Variants in EFHB observed in about 807,000 individuals in gnomAD.
EFHB encodes the protein EF-hand domain family member B, also known as EF-hand domain-containing family member B.
EFHB carries 91 observed loss-of-function variants against 87.2 expected under a neutral mutation model. The observed-to-expected ratio is 1.04, with a 90% CI of 0.88 to 1.24. EFHB has a LOEUF of 1.24. Among genes scored for constraint, EFHB ranks in the 50% most tolerant of loss-of-function variants. The pLI is 0.00. For missense variants in EFHB, 1,084 were observed against 998.8 expected (o/e 1.09, Z -1.15); for synonymous variants, 325 against 333.6 (o/e 0.97, Z 0.28).
At chr3:19,908,595 A>G (rs1694934965) in intron 5 of EFHB, among the ~76,000 whole-genome samples, 1 of 103,076 alleles carries the variant, frequency 9.7e-6, no homozygotes, top group Admixed American at 9.9e-5. Context: ...AGAGAGAGAG[A>G]GAGAGAAAGA....
chr3:19,942,667 C>T lies in EFHB; in HGVS notation c.-32+4252G>A, dbSNP rs188678006. On this transcript the variant is annotated intron_variant, in intron 1 of 14. Coordinates refer to the EFHB transcript ENST00000344838. ...CTGAACTTGTTTTCCTGCCACTAGA[C>T]GGTCCCATCTGGAGGTGATGGAAGA... Among the ~76,000 whole-genome samples the T allele has an allele frequency of 1.8e-3, 277 of 152,224 alleles. 3 individuals are homozygous for T. The highest frequency in any genetic ancestry group is 6.3e-3 in the African/African-American group (261 of 41,538).
chr3:19,903,748 A>T (rs191022343), intron 6 of EFHB, among the ~76,000 whole-genome samples: 165 of 152,274 alleles, frequency 1.1e-3, no homozygotes, highest in Admixed American at 2.6e-3. Context: ...AGGAATGGAA[A>T]TCATTTTTGA....
chr3:19,902,517 G>A (rs1012592525), intron 6 of EFHB, among the ~76,000 whole-genome samples: 1 of 151,924 alleles, frequency 6.6e-6, no homozygotes. Context: ...ACCACACTCA[G>A]CTAATTTTTG....
chr3:19,913,391 A>G (rs1195070568), intron 5 of EFHB, among the ~76,000 whole-genome samples: 2 of 152,244 alleles, frequency 1.3e-5, no homozygotes, highest in Admixed American at 6.5e-5. Context: ...TAGCATTTCT[A>G]TATACCAACA....
At chr3:19,917,357 A>T (rs55829813) in intron 4 of EFHB, among the ~76,000 whole-genome samples, 27,753 of 152,094 alleles carry the variant, frequency 0.18, 3,277 homozygotes, top group Non-Finnish European at 0.27. Context: ...AATAAGGTAC[A>T]ACTCCAGATT....
intron 1 of EFHB, among the ~76,000 whole-genome samples, chr3:19,924,952 T>C (rs1695566992): frequency 6.6e-6 from 1 of 151,982 alleles, no homozygotes; most frequent in Admixed American, 6.6e-5. Context: ...CTCTCTTAAA[T>C]AGAGTTAGGA....
At chr3:19,918,757 C>G (rs1201785297) in intron 3 of EFHB, among the ~76,000 whole-genome samples, 1 of 151,120 alleles carries the variant, frequency 6.6e-6, no homozygotes, top group Admixed American at 6.6e-5. Context: ...GGCAGATCAC[C>G]TGAGGTCTGG....
intron 1 of EFHB, among the ~76,000 whole-genome samples, chr3:19,927,973 A>G (rs1015886009): frequency 1.3e-5 from 2 of 149,132 alleles, no homozygotes; most frequent in Non-Finnish European, 3.0e-5. Flanking sequence ...TATAGTAAAT[A>G]ATATAGTAGC....
At chr3:19,945,485 G>A (rs777100418) in intron 1 of EFHB, among the ~76,000 whole-genome samples, 1 of 152,156 alleles carries the variant, frequency 6.6e-6, no homozygotes, top group Non-Finnish European at 1.5e-5. Flanking sequence ...AATGGACAAT[G>A]GTTTGTGAGG....
At chr3:19,946,047 G>T (rs1133328) in intron 1 of EFHB, 50,136 of 152,102 alleles carry the variant, frequency 0.33, 8,539 homozygotes, top group Non-Finnish European at 0.39. Context: ...GCCAGAGACT[G>T]AATGTGGTGT....
chr3:19,884,429 G>C lies in EFHB; in HGVS notation c.2120C>G (p.Ala707Gly). Residue 707 changes from alanine to glycine, a missense_variant, in exon 11 of 13, where the codon GCA (alanine) becomes GGA (glycine). By Grantham distance (60) the Ala-to-Gly change is moderately conservative (BLOSUM62 0). Coordinates refer to ENST00000295824, the MANE Select transcript of EFHB (RefSeq NM_144715.4). ...YYKTTSSEINAIVGAIPSTCY... is the reference protein window; with the variant it reads ...YYKTTSSEINGIVGAIPSTCY... Reference sequence around the variant, plus strand: ...AGTAGAAGGAATGGCTCCTACAATTGCATTGATCTCAGAAGAAGTTGTCTT... The same window carrying C: ...AGTAGAAGGAATGGCTCCTACAATTCCATTGATCTCAGAAGAAGTTGTCTT... 1.2e-6 allele frequency: 2 copies of C among 1,613,764 alleles called. No homozygotes were observed. Among genetic ancestry groups the C allele is most frequent in the Non-Finnish European group, 1.7e-6 (2 of 1,179,824 alleles).
chr3:19,886,678 A>AC, intron 10 of EFHB, among the ~76,000 whole-genome samples: 1 of 5,318 alleles, frequency 1.9e-4, no homozygotes, highest in Non-Finnish European at 4.1e-4. Context: ...CACTGTCTCA[A>AC]AAAAAAAAAA....
chr3:19,940,904 C>A, intron 1 of EFHB: 1 of 344,800 alleles, frequency 2.9e-6, no homozygotes, highest in African/African-American at 2.2e-5. Context: ...TAGTGAAGGT[C>A]TGTCTGCTTG....
At chr3:19,896,449 T>C (rs1195344629) in intron 9 of EFHB, 2 of 579,986 alleles carry the variant, frequency 3.4e-6, no homozygotes, top group Non-Finnish European at 6.2e-6. Context: ...TTTTAGGTTT[T>C]GAAGGCCATA....
chr3:19,896,597 C>G, intron 9 of EFHB, 90 bp downstream of exon 9: 2 of 1,531,650 alleles, frequency 1.3e-6, no homozygotes, highest in Non-Finnish European at 1.8e-6. Flanking sequence ...ATTTGGCCCA[C>G]AGGCTATAGT....
chr3:19,881,037 T>G (rs1022125872), intron 12 of EFHB, among the ~76,000 whole-genome samples: 1 of 152,214 alleles, frequency 6.6e-6, no homozygotes, highest in African/African-American at 2.4e-5. Context: ...TGATGTACCC[T>G]TGTGGGAAAT....
At chr3:19,928,884 C>T (rs914068520) in intron 1 of EFHB, among the ~76,000 whole-genome samples, 5 of 151,254 alleles carry the variant, frequency 3.3e-5, no homozygotes, top group African/African-American at 4.9e-5. Context: ...CTAAAATATC[C>T]ATACACAAGC....
chr3:19,918,393 G>A lies in EFHB; in HGVS notation c.1016C>T (p.Pro339Leu). 6.3e-7 allele frequency: 1 copy of A among 1,597,392 alleles called. No individual in the cohort carries two copies. Among genetic ancestry groups the A allele is most frequent in the East Asian group, 2.2e-5 (1 of 44,662 alleles). The stretch of plus-strand genomic sequence containing the variant: ...CTGTTGAAATGTGGTAATAGGCTGT[G>A]GGTTTATCAATGTGTTTGCCTAAAG... ...ISVLANTLIN[P>L]QPITTFQQKI... The change falls in exon 4 of 13, where the codon CCA becomes CTA. Residue 339 changes from proline to leucine, a missense_variant. Pro to Leu is a moderately conservative substitution (Grantham distance 98). Coordinates refer to ENST00000295824, the MANE Select transcript of EFHB (RefSeq NM_144715.4).
chr3:19,906,842 T>A (rs1173295372), intron 5 of EFHB, among the ~76,000 whole-genome samples: 1 of 152,026 alleles, frequency 6.6e-6, no homozygotes, highest in Non-Finnish European at 1.5e-5. Flanking sequence ...TAGAACAGTA[T>A]GGTACTGGCA....
Sources: gnomAD v4.1 joint callset for allele counts (sites outside exome capture counted in the v4.1 genomes callset) on GRCh38, gnomAD v4.1.1 for gene constraint, MANE v1.5 for transcripts, NCBI Gene and HGNC (gene_info 2026-07-23, HGNC 2026-07-21) for gene names.